The following TRAPPC10 variants were observed in gnomAD, a reference collection of about 807,000 sequenced individuals.
The protein encoded by TRAPPC10 is trafficking protein particle complex subunit 10, also known as TRAPP 130 kDa subunit.
In TRAPPC10, 23 loss-of-function variants were observed where a neutral mutation model predicts 125.5. The observed-to-expected ratio is 0.18, with a 90% CI of 0.13 to 0.26. The LOEUF is 0.26. Among genes scored for constraint, TRAPPC10 ranks in the 10% least tolerant of loss-of-function variants. The pLI is 1.00. For missense variants in TRAPPC10, 1,123 were observed against 1,308.4 expected (o/e 0.86, Z 2.19); for synonymous variants, 509 against 518.0 (o/e 0.98, Z 0.24).
intron 3 of TRAPPC10, among the ~76,000 whole-genome samples, chr21:44,040,348 C>CT (rs200232989): frequency 0.022 from 3,285 of 146,336 alleles, 49 homozygotes; most frequent in South Asian, 0.054. Context: ...TTCTCTCTCT[C>CT]TTTTTTTTTT....
intron 1 of TRAPPC10, among the ~76,000 whole-genome samples, chr21:44,013,462 G>T (rs1456504617): frequency 6.6e-6 from 1 of 152,146 alleles, no homozygotes; most frequent in Non-Finnish European, 1.5e-5. Context: ...TATGCAGTTA[G>T]TTTTTTTCTA....
intron 13 of TRAPPC10, among the ~76,000 whole-genome samples, chr21:44,081,783 G>A (rs1160901104): frequency 6.6e-6 from 1 of 152,208 alleles, no homozygotes; most frequent in Non-Finnish European, 1.5e-5. Context: ...GGAGGCTGAG[G>A]TAGGAGGATC....
intron 1 of TRAPPC10, among the ~76,000 whole-genome samples, chr21:44,028,473 C>G (rs2033270918): frequency 6.6e-6 from 1 of 152,192 alleles, no homozygotes; most frequent in Non-Finnish European, 1.5e-5. Flanking sequence ...CCAGTGCCTG[C>G]TGTTCAGCCA....
chr21:44,047,565 T>TGTGTGTGTGTGTGTGTGTGTGCGCGCGC (rs954810521), intron 3 of TRAPPC10, among the ~76,000 whole-genome samples: 3 of 147,204 alleles, frequency 2.0e-5, no homozygotes, highest in South Asian at 2.2e-4. Flanking sequence ...TGTGTGTGTG[T>TGTGTGTGTGTGTGTGTGTGTGCGCGCGC]GCGCGCACAC....
chr21:44,083,300 C>A lies in TRAPPC10; in HGVS notation c.2236C>A (p.Gln746Lys). The change falls in exon 14 of 23, where the codon CAG becomes AAG. Residue 746 changes from glutamine (Q) to lysine (K), a missense_variant and splice_region_variant. Physicochemically the swap from Gln to Lys is moderately conservative, Grantham distance 53 (BLOSUM62 1). Coordinates refer to ENST00000291574, the MANE Select transcript of TRAPPC10 (RefSeq NM_003274.5). ...PGANQITFRT[Q>K]AKEPGTYTLR... ...GGCCAACCAGATAACATTCAGGACT[C>A]AGGTATGCGTTCAGGGTGGGAACTT... 1 of 1,612,822 alleles carries A rather than the reference C, an allele frequency of 6.2e-7. No individual in the cohort carries two copies. The highest frequency in any genetic ancestry group is 1.3e-5 in the African/African-American group (1 of 75,008).
rs2038476304 is a variant in TRAPPC10 at position 44,090,221 on chromosome 21, G to A, written c.2870+288G>A. Among the ~76,000 whole-genome samples, 3 of 151,688 alleles carry A rather than the reference G, an allele frequency of 2.0e-5. 1 individual carries two copies. The South Asian group carries it at 6.2e-4, about 31-fold the overall frequency. Reference sequence around the variant, plus strand: ...GATCTCTGTTCATCCTTTCTTCCCTGTTTTCAAGCCATCGACTTGTTCACT... The same window carrying A: ...GATCTCTGTTCATCCTTTCTTCCCTATTTTCAAGCCATCGACTTGTTCACT... On this transcript the variant is annotated intron_variant, in intron 18 of 22. Coordinates refer to ENST00000291574, the MANE Select transcript of TRAPPC10 (RefSeq NM_003274.5).
chr21:44,037,166 G>C (rs1462671094), intron 2 of TRAPPC10, among the ~76,000 whole-genome samples: 1 of 152,140 alleles, frequency 6.6e-6, no homozygotes, highest in Non-Finnish European at 1.5e-5. Flanking sequence ...AGAGATCCAC[G>C]CGGTGTGGTT....
At chr21:44,068,412 G>A (rs1384918200) in intron 7 of TRAPPC10, among the ~76,000 whole-genome samples, 1 of 152,158 alleles carries the variant, frequency 6.6e-6, no homozygotes, top group Non-Finnish European at 1.5e-5. Flanking sequence ...TGGGGGCAAT[G>A]AAGGGAAATT....
Position 44,023,133 on chromosome 21 carries a change from C to T in TRAPPC10, c.68-8958C>T, listed in dbSNP as rs149234253. On this transcript the variant is annotated intron_variant, in intron 1 of 22. Coordinates refer to ENST00000291574, the MANE Select transcript of TRAPPC10 (RefSeq NM_003274.5). ...CTGCAAGTTCCACCTCCCGGGTTCACGCCATTCCCCTGCCTCAGCCTCCCG... is the reference window on the plus strand; with the variant it reads ...CTGCAAGTTCCACCTCCCGGGTTCATGCCATTCCCCTGCCTCAGCCTCCCG... Among the ~76,000 whole-genome samples the T allele has an allele frequency of 5.1e-3, 756 of 147,950 alleles. 4 individuals are homozygous for T. Among genetic ancestry groups the T allele is most frequent in the African/African-American group, 0.018 (720 of 39,410 alleles).
chr21:44,027,904 G>A (rs1303859349), intron 1 of TRAPPC10, among the ~76,000 whole-genome samples: 2 of 152,176 alleles, frequency 1.3e-5, no homozygotes, highest in East Asian at 1.9e-4. Context: ...CAAGACCAAG[G>A]TACTCAACCT....
intron 20 of TRAPPC10, among the ~76,000 whole-genome samples, chr21:44,095,416 T>C (rs936055584): frequency 1.3e-5 from 2 of 151,884 alleles, no homozygotes; most frequent in Admixed American, 1.3e-4. Flanking sequence ...TGGCTAATTT[T>C]TTGTAGAGGC....
In TRAPPC10 at chr21:44,092,068, TG is replaced by T; in HGVS notation, c.2997+20del. On this transcript the variant is annotated intron_variant, in intron 19 of 22. Transcript: ENST00000291574. ...CCAGCAGGTAAACATTGTGTAGACC[TG>T]AGCATAAACTTCTCAACAGAGAACC... The T allele has an allele frequency of 6.2e-7, 1 of 1,612,110 alleles. No homozygotes were observed. The highest frequency in any genetic ancestry group is 8.5e-7 in the Non-Finnish European group (1 of 1,179,042).
At chr21:44,019,516 C>T (rs2032257809) in intron 1 of TRAPPC10, among the ~76,000 whole-genome samples, 1 of 152,146 alleles carries the variant, frequency 6.6e-6, no homozygotes, top group Non-Finnish European at 1.5e-5. Flanking sequence ...GTATTTTGGC[C>T]TTAGAGAATA....
At chr21:44,030,901 G>A (rs973209925) in intron 1 of TRAPPC10, among the ~76,000 whole-genome samples, 1 of 152,160 alleles carries the variant, frequency 6.6e-6, no homozygotes, top group Non-Finnish European at 1.5e-5. Context: ...TGCCTTGTTG[G>A]AAGTGACTGA....
At chr21:44,033,078 T>C (rs1277918144) in intron 2 of TRAPPC10, among the ~76,000 whole-genome samples, 1 of 152,272 alleles carries the variant, frequency 6.6e-6, no homozygotes, top group Non-Finnish European at 1.5e-5. Flanking sequence ...GGAAAACTTA[T>C]TTCTGGTAAG....
chr21:44,028,195 C>T lies in TRAPPC10; in HGVS notation c.68-3896C>T, dbSNP rs2033246153. Among the ~76,000 whole-genome samples, 4 of 152,180 alleles carry T rather than the reference C, an allele frequency of 2.6e-5. No homozygotes were observed. In the South Asian group the frequency reaches 8.3e-4, roughly 32 times the overall value. On this transcript the variant is annotated intron_variant, in intron 1 of 22. Coordinates refer to ENST00000291574, the MANE Select transcript of TRAPPC10 (RefSeq NM_003274.5). ...AATCTCAGGGAATACAGTAATAATT[C>T]AGGAAATAGCTAAGCCTATGTTAGT...
At chr21:44,038,007 G>A (rs1023618905) in intron 3 of TRAPPC10, 80 bp downstream of exon 3, 2 of 1,545,996 alleles carry the variant, frequency 1.3e-6, no homozygotes, top group African/African-American at 2.8e-5. Context: ...GTACCAGTGG[G>A]GGAAGAGGAC....
At chr21:44,016,742 T>C (rs1009379464) in intron 1 of TRAPPC10, among the ~76,000 whole-genome samples, 1 of 152,194 alleles carries the variant, frequency 6.6e-6, no homozygotes, top group African/African-American at 2.4e-5. Flanking sequence ...AACTGCAAGC[T>C]CCGCCTCCCG....
At chr21:44,085,164 C>G (rs954657419) in intron 15 of TRAPPC10, among the ~76,000 whole-genome samples, 2 of 152,158 alleles carry the variant, frequency 1.3e-5, no homozygotes, top group Non-Finnish European at 2.9e-5. Flanking sequence ...CCTGGTCATT[C>G]TGGTGACCAG....
Sources: allele counts gnomAD v4.1 joint callset (sites outside exome capture counted in the v4.1 genomes callset), GRCh38; gene constraint gnomAD v4.1.1; transcripts MANE v1.5; gene names NCBI Gene and HGNC (gene_info 2026-07-23, HGNC 2026-07-21).